Variants in GABRG1 observed in about 807,000 individuals in gnomAD.
GABRG1 encodes gamma-aminobutyric acid receptor subunit gamma-1.
A neutral mutation model predicts 49.8 loss-of-function variants in GABRG1; 49 were observed. The ratio of observed to expected loss-of-function variants is 0.98; its 90% CI spans 0.78 to 1.25. GABRG1 has a LOEUF of 1.25. Among genes scored for constraint, GABRG1 ranks in the 50% most tolerant of loss-of-function variants. GABRG1 has a pLI of 0.00. For synonymous variants in GABRG1, 232 were observed against 185.1 expected (o/e 1.25, Z -2.06); for missense variants, 552 against 552.3 (o/e 1.00, Z 0.01).
At chr4:46,083,335 T>C (rs1245335188) in intron 3 of GABRG1, among the ~76,000 whole-genome samples, 1 of 151,730 alleles carries the variant, frequency 6.6e-6, no homozygotes. Context: ...GACTCTTACC[T>C]CCATCTTCTA....
chr4:46,044,780 C>A (rs547221664), intron 8 of GABRG1, among the ~76,000 whole-genome samples: 1 of 152,168 alleles, frequency 6.6e-6, no homozygotes, highest in Non-Finnish European at 1.5e-5. Flanking sequence ...TATGGTTCAC[C>A]TACTGTGCAT....
chr4:46,074,481 G>A (rs1467553269), intron 3 of GABRG1, among the ~76,000 whole-genome samples: 2 of 152,104 alleles, frequency 1.3e-5, no homozygotes, highest in East Asian at 3.9e-4. Flanking sequence ...GTTTACCTGA[G>A]GAGTTTGAAT....
At chr4:46,066,998 G>T (rs1310415506) in intron 3 of GABRG1, among the ~76,000 whole-genome samples, 1 of 151,802 alleles carries the variant, frequency 6.6e-6, no homozygotes, top group Non-Finnish European at 1.5e-5. Flanking sequence ...CTTCTGGTGG[G>T]AGAGATTGAT....
At chr4:46,045,706 G>T (rs1286964021) in intron 8 of GABRG1, among the ~76,000 whole-genome samples, 1 of 151,796 alleles carries the variant, frequency 6.6e-6, no homozygotes, top group Non-Finnish European at 1.5e-5. Context: ...ATTATTTAAA[G>T]TTTTAAAATT....
chr4:46,042,642 T>C (rs371910519), intron 8 of GABRG1, among the ~76,000 whole-genome samples: 36 of 152,130 alleles, frequency 2.4e-4, no homozygotes, highest in African/African-American at 8.2e-4. Flanking sequence ...TATACAAAAG[T>C]TTAAAATTTC....
At chr4:46,103,963 A>C (rs968605723) in intron 1 of GABRG1, among the ~76,000 whole-genome samples, 1 of 151,434 alleles carries the variant, frequency 6.6e-6, no homozygotes, top group Admixed American at 6.6e-5. Flanking sequence ...AAAGTTCTAT[A>C]TACGTTACAC....
intron 3 of GABRG1, among the ~76,000 whole-genome samples, chr4:46,075,732 A>T (rs1208850944): frequency 1.3e-5 from 2 of 152,126 alleles, no homozygotes; most frequent in Non-Finnish European, 2.9e-5. Context: ...TCCTTGCTAT[A>T]TAAAGAAAAT....
intron 1 of GABRG1, among the ~76,000 whole-genome samples, chr4:46,109,167 A>AT (rs917621366): frequency 2.9e-4 from 43 of 149,308 alleles, no homozygotes; most frequent in East Asian, 9.9e-4. Flanking sequence ...TTTGGTTAGT[A>AT]TTTTTTTTTA....
intron 1 of GABRG1, among the ~76,000 whole-genome samples, chr4:46,119,074 A>C (rs1400865775): frequency 1.3e-5 from 2 of 150,608 alleles, no homozygotes; most frequent in South Asian, 2.1e-4. Context: ...TAAATTAAAA[A>C]ATTTTGCTTT....
chr4:46,111,601 G>C (rs1302396561), intron 1 of GABRG1, among the ~76,000 whole-genome samples: 1 of 151,170 alleles, frequency 6.6e-6, no homozygotes, highest in Admixed American at 6.6e-5. Flanking sequence ...TATATGAAAA[G>C]GCTGCAGTAA....
chr4:46,044,125 C>T (rs1432500265), intron 8 of GABRG1, among the ~76,000 whole-genome samples: 1 of 151,980 alleles, frequency 6.6e-6, no homozygotes, highest in Admixed American at 6.6e-5. Flanking sequence ...TCACAAAATC[C>T]TGTTTAAGTT....
intron 5 of GABRG1, among the ~76,000 whole-genome samples, chr4:46,061,754 G>A (rs1403090933): frequency 6.7e-6 from 1 of 148,576 alleles, no homozygotes; most frequent in Non-Finnish European, 1.5e-5. Flanking sequence ...ACAGCTACAG[G>A]AATGAAGAGT....
chr4:46,036,615 A>G lies in GABRG1; in HGVS notation c.*4373T>C, dbSNP rs1483000788. On this transcript the variant is annotated 3_prime_UTR_variant, in exon 9 of 9. Transcript: ENST00000295452. Reference sequence around the variant, plus strand: ...CTCAGTTATGTTGTCTGTTAGTCAAAGCTTAATGTCTGCCACTTTTCTTTC... The same window carrying G: ...CTCAGTTATGTTGTCTGTTAGTCAAGGCTTAATGTCTGCCACTTTTCTTTC... 6.6e-6 allele frequency: 1 copy of G among 151,898 alleles called. No homozygotes were observed. The allele number at this position is 151,898 out of a possible 1,614,324, so 9.4% of individuals were successfully genotyped here.
chr4:46,123,734 A>C (rs1174862657), intron 1 of GABRG1, 76 bp downstream of exon 1: 2 of 1,016,566 alleles, frequency 2.0e-6, no homozygotes, highest in Non-Finnish European at 3.0e-6. Flanking sequence ...AAAGTGGAAT[A>C]ATTTTTAAAA....
At chr4:46,101,928 T>C (rs1429344922) in intron 1 of GABRG1, among the ~76,000 whole-genome samples, 1 of 151,646 alleles carries the variant, frequency 6.6e-6, no homozygotes. Flanking sequence ...GAATAATGTA[T>C]ACACTCAACA....
rs1717510515 is a variant in GABRG1 at position 46,036,080 on chromosome 4, T to C, written c.*4908A>G. On this transcript the variant is annotated 3_prime_UTR_variant, in exon 9 of 9. Transcript: ENST00000295452. ...AGTCTTCTAATTAGCCCTTTTTGCT[T>C]AGCTGCATTTCAGTTATCACAGCCT... is the stretch of plus-strand genomic sequence containing the variant. The C allele has an allele frequency of 6.6e-6, 1 of 151,996 alleles. No homozygotes were observed. The highest frequency in any genetic ancestry group is 2.4e-5 in the African/African-American group (1 of 41,448). The allele number at this position is 151,996 out of a possible 1,614,324, so 9.4% of individuals were successfully genotyped here. A position where few individuals can be genotyped will look rare whatever the true frequency, so the allele number is the denominator to read the frequency against.
Position 46,041,030 on chromosome 4 carries a change from G to A in GABRG1, c.1356C>T (p.Ala452=), listed in dbSNP as rs1159924618. Residue 452 remains alanine (A), a synonymous_variant, in exon 9 of 9, where the codon GCC becomes GCT. Coordinates refer to ENST00000295452, the MANE Select transcript of GABRG1 (RefSeq NM_173536.4). The stretch of plus-strand genomic sequence containing the variant: ...CAACCCAATAAACCAAGTTGAACAG[G>A]GCAAAAGCGGTTGGGAAAAATATTC... The part of the protein sequence containing the change: ...YSRIFFPTAF[A]LFNLVYWVGY... The A allele has an allele frequency of 9.3e-6, 15 of 1,612,578 alleles. No individual in the cohort carries two copies. Among genetic ancestry groups the A allele is most frequent in the Admixed American group, 1.7e-5 (1 of 59,784 alleles).
chr4:46,102,296 C>T (rs894771875), intron 1 of GABRG1, among the ~76,000 whole-genome samples: 1 of 151,616 alleles, frequency 6.6e-6, no homozygotes, highest in Non-Finnish European at 1.5e-5. Context: ...TCTCAGGCTG[C>T]TTTCTGTCAA....
intron 1 of GABRG1, among the ~76,000 whole-genome samples, chr4:46,103,744 C>T (rs1720454108): frequency 6.6e-6 from 1 of 151,300 alleles, no homozygotes; most frequent in African/African-American, 2.4e-5. Flanking sequence ...TGTCATTTTG[C>T]TACTCCTATT....
Sources: gnomAD v4.1 joint callset for allele counts (sites outside exome capture counted in the v4.1 genomes callset) on GRCh38, gnomAD v4.1.1 for gene constraint, MANE v1.5 for transcripts, NCBI Gene and HGNC (gene_info 2026-07-23, HGNC 2026-07-21) for gene names.